Variants in FGD5 observed in about 807,000 individuals in gnomAD.
The protein encoded by FGD5 is FYVE, RhoGEF and PH domain containing 5, also known as FYVE, RhoGEF and PH domain-containing protein 5.
Under a neutral mutation model 133.4 loss-of-function variants are expected in FGD5, and 28 were observed. The ratio of observed to expected loss-of-function variants is 0.21; its 90% CI spans 0.16 to 0.29. The LOEUF (loss-of-function observed/expected upper bound fraction) is 0.29. FGD5 is among the 10% of genes least tolerant of loss of function. The pLI, the probability that FGD5 is intolerant of heterozygous loss-of-function variation, is 1.00. For missense variants in FGD5, 1,858 were observed against 1,895.2 expected (o/e 0.98, Z 0.36); for synonymous variants, 810 against 776.5 (o/e 1.04, Z -0.72).
chr3:14,817,237 C>T (rs1483072897), upstream of FGD5, among the ~76,000 whole-genome samples: 1 of 151,886 alleles, frequency 6.6e-6, no homozygotes, highest in South Asian at 2.1e-4. Context: ...CTCTTGTCAC[C>T]CAGGCGGGAG....
chr3:14,830,382 C>T (rs1323836743), intron 1 of FGD5, among the ~76,000 whole-genome samples: 1 of 152,170 alleles, frequency 6.6e-6, no homozygotes, highest in Admixed American at 6.5e-5. Context: ...ATAAAATTTA[C>T]AGGGAAGGAC....
At chr3:14,924,515 G>A (rs1244723398) in intron 17 of FGD5, among the ~76,000 whole-genome samples, 1 of 152,156 alleles carries the variant, frequency 6.6e-6, no homozygotes, top group Non-Finnish European at 1.5e-5. Context: ...CGGCTCAGGT[G>A]TTGACGTCCC....
chr3:14,849,892 CT>C (rs1430267485), intron 1 of FGD5, among the ~76,000 whole-genome samples: 1 of 151,970 alleles, frequency 6.6e-6, no homozygotes, highest in Non-Finnish European at 1.5e-5. Context: ...GTTGCTGCTG[CT>C]TCTGTTGTTA....
At chr3:14,827,972 C>T (rs548124548) in intron 1 of FGD5, among the ~76,000 whole-genome samples, 12 of 152,148 alleles carry the variant, frequency 7.9e-5, no homozygotes, top group Non-Finnish European at 1.5e-4. Context: ...AAATGCAGCT[C>T]GAATTACATG....
chr3:14,886,595 G>A (rs2037928690), intron 4 of FGD5, among the ~76,000 whole-genome samples: 1 of 152,164 alleles, frequency 6.6e-6, no homozygotes, highest in Non-Finnish European at 1.5e-5. Flanking sequence ...ACACGGGGAG[G>A]GTGACACACT....
rs2036485177 is a variant in FGD5, at chr3:14,820,959, A to T, written c.1888A>T (p.Thr630Ser). 1.2e-6 allele frequency: 2 copies of T among 1,613,886 alleles called. No individual in the cohort carries two copies. The highest frequency in any genetic ancestry group is 1.7e-6 in the Non-Finnish European group (2 of 1,179,872). Residue 630 changes from threonine to serine, a missense_variant, in exon 1 of 20, where the codon ACA becomes TCA. This residue lies in a region of FGD5 where 1,824 missense variants were observed against 1,848.9 expected (regional missense o/e 0.99). Transcript: ENST00000285046. ...GGCCTGCATCACCAAGAAGCCCATC[A>T]CAAAGAGCTCTCCCTCACTCCTGAT... ...DLACITKKPI[T>S]KSSPSLLIES...
At chr3:14,827,201 A>T in intron 1 of FGD5, among the ~76,000 whole-genome samples, 1 of 151,712 alleles carries the variant, frequency 6.6e-6, no homozygotes, top group East Asian at 1.9e-4. Flanking sequence ...TCAGAACCCA[A>T]GTCTGTCTGA....
At chr3:14,838,073 CTG>C (rs2036851336) in intron 1 of FGD5, among the ~76,000 whole-genome samples, 1 of 152,156 alleles carries the variant, frequency 6.6e-6, no homozygotes, top group Non-Finnish European at 1.5e-5. Context: ...CATCTAGAGA[CTG>C]TGGGGAGATT....
chr3:14,914,387 C>CA (rs1170146099), intron 11 of FGD5, among the ~76,000 whole-genome samples: 1 of 152,202 alleles, frequency 6.6e-6, no homozygotes, highest in Non-Finnish European at 1.5e-5. Flanking sequence ...CCCCCCTACC[C>CA]ATTCATGATG....
chr3:14,899,086 C>T (rs1040140568), intron 7 of FGD5, among the ~76,000 whole-genome samples: 11 of 152,156 alleles, frequency 7.2e-5, no homozygotes, highest in African/African-American at 2.7e-4. Context: ...CCAGCTTGCA[C>T]TTCCTCCCTG....
At chr3:14,859,426 C>T (rs1029202400) in intron 1 of FGD5, among the ~76,000 whole-genome samples, 2 of 151,980 alleles carry the variant, frequency 1.3e-5, no homozygotes, top group African/African-American at 4.8e-5. Context: ...GGCATAATGG[C>T]TTGCACCTGT....
intron 4 of FGD5, among the ~76,000 whole-genome samples, chr3:14,892,715 A>G (rs1030857136): frequency 1.8e-4 from 28 of 152,160 alleles, no homozygotes; most frequent in African/African-American, 6.8e-4. Flanking sequence ...GGTATTCAGA[A>G]GGCTGAGACA....
intron 7 of FGD5, among the ~76,000 whole-genome samples, chr3:14,899,144 AAGT>A (rs1309540672): frequency 2.0e-5 from 3 of 152,114 alleles, no homozygotes; most frequent in Admixed American, 2.0e-4. Context: ...CCTGTCATCA[AAGT>A]CCTCTTGGCC....
intron 16 of FGD5, among the ~76,000 whole-genome samples, 190 bp from the exon 17 acceptor site, chr3:14,923,818 G>A (rs1055400594): frequency 2.6e-5 from 4 of 152,172 alleles, no homozygotes; most frequent in African/African-American, 7.2e-5. Flanking sequence ...CTGGAAAAGC[G>A]TCCCCTCCCC....
At chr3:14,832,687 G>A (rs186258815) in intron 1 of FGD5, among the ~76,000 whole-genome samples, 4 of 152,302 alleles carry the variant, frequency 2.6e-5, no homozygotes, top group Non-Finnish European at 5.9e-5. Context: ...TATAGGAATG[G>A]TTCTTGCCTC....
intron 1 of FGD5, among the ~76,000 whole-genome samples, chr3:14,853,572 A>C (rs2037208909): frequency 7.3e-6 from 1 of 136,960 alleles, no homozygotes; most frequent in Admixed American, 7.5e-5. Context: ...GAATCTCCAC[A>C]CCAGTGAGGA....
In FGD5 at chr3:14,901,005, G is replaced by A. The variant is rs761114610; in HGVS notation, c.3208G>A (p.Ala1070Thr). The change falls in exon 9 of 20, where the codon GCA becomes ACA. Residue 1070 changes from alanine to threonine, a missense_variant and splice_region_variant. Ala to Thr is a moderately conservative substitution (Grantham distance 58). This residue lies in a region of FGD5 where 1,824 missense variants were observed against 1,848.9 expected (regional missense o/e 0.99). Transcript: ENST00000285046. ...TCCTGCTCTGTGTCCCTCCCCAGGT[G>A]CACTGAGCCTCATCTCCAAAGTCAC... ...DSAEYDNTQG[A>T]LSLISKVTDR... is the part of the protein sequence containing the mutation. The A allele has an allele frequency of 1.4e-5, 23 of 1,613,894 alleles. No homozygotes were observed. Among genetic ancestry groups the A allele is most frequent in the East Asian group, 2.2e-5 (1 of 44,890 alleles).
intron 1 of FGD5, among the ~76,000 whole-genome samples, chr3:14,822,787 C>T (rs1475137701): frequency 2.0e-5 from 3 of 152,208 alleles, no homozygotes; most frequent in East Asian, 1.9e-4. Flanking sequence ...CCCTCATGTG[C>T]AGAAACTTAA....
At chr3:14,854,432 T>TATTGATTG (rs71038441) in intron 1 of FGD5, among the ~76,000 whole-genome samples, 20,486 of 143,148 alleles carry the variant, frequency 0.14, 1,908 homozygotes, top group Non-Finnish European at 0.19. Context: ...TTTATTTATT[T>TATTGATTG]ATTGAGACGA....
Sources: gnomAD v4.1 joint callset for allele counts (sites outside exome capture counted in the v4.1 genomes callset) on GRCh38, gnomAD v4.1.1 for gene constraint, gnomAD v4.1.1 regional missense constraint, MANE v1.5 for transcripts, NCBI Gene and HGNC (gene_info 2026-07-23, HGNC 2026-07-21) for gene names.